The following SLMAP variants were observed in gnomAD, a reference collection of about 807,000 sequenced individuals.
The protein encoded by SLMAP is sarcolemmal membrane-associated protein.
A neutral mutation model predicts 128.8 loss-of-function variants in SLMAP; 44 were observed. The ratio of observed to expected loss-of-function variants is 0.34; its 90% CI spans 0.27 to 0.44. SLMAP has a LOEUF of 0.44. SLMAP is among the 20% of genes least tolerant of loss of function. The pLI is 1.00. For synonymous variants in SLMAP, 327 were observed against 348.8 expected, an observed-to-expected ratio of 0.94 and a Z score of 0.70; for missense variants, 787 against 985.3, an observed-to-expected ratio of 0.80 and a Z score of 2.69.
intron 2 of SLMAP, among the ~76,000 whole-genome samples, chr3:57,789,306 C>T (rs2084929357): frequency 1.3e-5 from 2 of 152,100 alleles, no homozygotes; most frequent in South Asian, 4.1e-4. Flanking sequence ...ACTGGGCTCA[C>T]TCTGAATACA....
chr3:57,782,010 G>A (rs941098680), intron 2 of SLMAP, among the ~76,000 whole-genome samples: 8 of 152,220 alleles, frequency 5.3e-5, no homozygotes, highest in African/African-American at 1.7e-4. Flanking sequence ...TGGCATTACA[G>A]GTGTGAGCCA....
intron 17 of SLMAP, among the ~76,000 whole-genome samples, chr3:57,906,332 T>TTTTTTTTTTTTTTTTTTTTTTC (rs1491216777): frequency 7.3e-6 from 1 of 136,954 alleles, no homozygotes; most frequent in Admixed American, 8.0e-5. Flanking sequence ...TTTTTTTTTT[T>TTTTTTTTTTTTTTTTTTTTTTC]AGAGACACAG....
chr3:57,886,748 G>A (rs2095900073), intron 14 of SLMAP, among the ~76,000 whole-genome samples: 1 of 149,090 alleles, frequency 6.7e-6, no homozygotes, highest in Non-Finnish European at 1.5e-5. Flanking sequence ...TGACAGATAC[G>A]AGCTTATAAA....
chr3:57,919,676 C>G (rs961373272), intron 22 of SLMAP, among the ~76,000 whole-genome samples: 7 of 151,878 alleles, frequency 4.6e-5, no homozygotes, highest in African/African-American at 1.7e-4. Flanking sequence ...TGCCTGTAAT[C>G]CCAGTTACTT....
chr3:57,820,655 C>CAATGG (rs2092419024), intron 2 of SLMAP, among the ~76,000 whole-genome samples: 3 of 152,190 alleles, frequency 2.0e-5, no homozygotes, highest in African/African-American at 7.2e-5. Context: ...TGATTCTGCC[C>CAATGG]TCCTAGCGAC....
chr3:57,914,780 CCATGTTG>C (rs1347596019), intron 21 of SLMAP, among the ~76,000 whole-genome samples: 2 of 151,970 alleles, frequency 1.3e-5, no homozygotes, highest in East Asian at 3.9e-4. Flanking sequence ...CGGGGTTTCT[CCATGTTG>C]GTTAGGCTGT....
chr3:57,869,659 T>TATAA (rs1213782539), intron 13 of SLMAP, among the ~76,000 whole-genome samples: 9 of 115,446 alleles, frequency 7.8e-5, no homozygotes, highest in Non-Finnish European at 1.5e-4. Context: ...TATATATATA[T>TATAA]AATATATATA....
chr3:57,762,099 G>A (rs1317837966), intron 2 of SLMAP, among the ~76,000 whole-genome samples: 1 of 151,254 alleles, frequency 6.6e-6, no homozygotes, highest in East Asian at 2.0e-4. Flanking sequence ...GCCAGGCTTG[G>A]TGGCTCATGC....
chr3:57,891,207 A>G (rs950533588), intron 15 of SLMAP: 41 of 128,624 alleles, frequency 3.2e-4, no homozygotes, highest in Non-Finnish European at 5.8e-4. Flanking sequence ...GAGCCTTAGG[A>G]AAAAAAAAAA....
chr3:57,768,596 G>T (rs553530483), intron 2 of SLMAP, among the ~76,000 whole-genome samples: 29 of 152,068 alleles, frequency 1.9e-4, no homozygotes, highest in Non-Finnish European at 3.5e-4. Context: ...GGTTTCTAGG[G>T]GCTGAGGGTA....
intron 6 of SLMAP, among the ~76,000 whole-genome samples, chr3:57,852,226 T>C (rs1482485196): frequency 6.6e-6 from 1 of 152,130 alleles, no homozygotes; most frequent in Non-Finnish European, 1.5e-5. Context: ...CATTCTTTTA[T>C]AGGAATCAAT....
intron 14 of SLMAP, among the ~76,000 whole-genome samples, chr3:57,880,958 G>A (rs1203074583): frequency 3.9e-5 from 6 of 152,128 alleles, no homozygotes; most frequent in Non-Finnish European, 7.4e-5. Flanking sequence ...TTCGGAGGCC[G>A]AGGTGGGCAG....
At chr3:57,915,042 T>C (rs964123975) in intron 21 of SLMAP, among the ~76,000 whole-genome samples, 5 of 151,934 alleles carry the variant, frequency 3.3e-5, no homozygotes, top group African/African-American at 1.2e-4. Context: ...TGTGCCACCA[T>C]GCCTGGCTAA....
chr3:57,782,972 T>A (rs1425352090), intron 2 of SLMAP, among the ~76,000 whole-genome samples: 1 of 152,238 alleles, frequency 6.6e-6, no homozygotes, highest in Non-Finnish European at 1.5e-5. Context: ...CTCCCAGAAC[T>A]GTGAGAAATA....
chr3:57,853,960 TATATATATATATA>T (rs2094614368), intron 6 of SLMAP, among the ~76,000 whole-genome samples: 25 of 59,758 alleles, frequency 4.2e-4, no homozygotes, highest in Admixed American at 5.0e-4. Context: ...AAAAATTATA[TATATATATATATA>T]TATATATATA....
At chr3:57,816,155 T>G (rs1481229242) in intron 2 of SLMAP, among the ~76,000 whole-genome samples, 1 of 151,952 alleles carries the variant, frequency 6.6e-6, no homozygotes, top group Non-Finnish European at 1.5e-5. Context: ...GTTTGTTTGT[T>G]TGTTTTGAGA....
At chr3:57,773,333 T>C (rs942283902) in intron 2 of SLMAP, among the ~76,000 whole-genome samples, 1 of 152,254 alleles carries the variant, frequency 6.6e-6, no homozygotes, top group African/African-American at 2.4e-5. Context: ...TCTTGGAAAC[T>C]GTGAGACTAA....
chr3:57,785,742 C>A, intron 2 of SLMAP, among the ~76,000 whole-genome samples: 1 of 152,188 alleles, frequency 6.6e-6, no homozygotes, highest in Non-Finnish European at 1.5e-5. Context: ...TTATTGAGGT[C>A]TTTGGTAAAT....
At chr3:57,807,143 T>C (rs1274352568) in intron 2 of SLMAP, among the ~76,000 whole-genome samples, 2 of 152,352 alleles carry the variant, frequency 1.3e-5, no homozygotes, top group Non-Finnish European at 2.9e-5. Context: ...TTCATATATT[T>C]GTTGGCCGCG....
Sources: gnomAD v4.1 joint callset for allele counts (sites outside exome capture counted in the v4.1 genomes callset) on GRCh38, gnomAD v4.1.1 for gene constraint, MANE v1.5 for transcripts, NCBI Gene and HGNC (gene_info 2026-07-23, HGNC 2026-07-21) for gene names.